The following COPB2 variants were observed in gnomAD, a reference collection of about 807,000 sequenced individuals.
COPB2 encodes coatomer subunit beta'.
COPB2 carries 16 observed loss-of-function variants against 120.8 expected under a neutral mutation model. The ratio of observed to expected loss-of-function variants is 0.13; its 90% confidence interval spans 0.09 to 0.20. The LOEUF (loss-of-function observed/expected upper bound fraction) is 0.20. COPB2 is among the 10% of genes least tolerant of loss of function. COPB2 has a pLI of 1.00. For missense variants in COPB2, 794 were observed against 1,076.5 expected, an observed-to-expected ratio of 0.74 and a Z score of 3.67; for synonymous variants, 332 against 366.3, an observed-to-expected ratio of 0.91 and a Z score of 1.07.
intron 9 of COPB2, among the ~76,000 whole-genome samples, chr3:139,372,200 A>T (rs1432172102): frequency 6.6e-6 from 1 of 152,252 alleles, no homozygotes; most frequent in Admixed American, 6.5e-5. Flanking sequence ...AACTTTGCTC[A>T]TGACATTTAT....
intron 9 of COPB2, 102 bp from the exon 10 acceptor site, chr3:139,371,935 A>T: frequency 1.0e-5 from 8 of 798,876 alleles, no homozygotes; most frequent in Non-Finnish European, 1.4e-5. Flanking sequence ...CTAATAACAA[A>T]TGTTATTTAG....
At chr3:139,358,880 T>TA in intron 19 of COPB2, 68 bp from the exon 20 acceptor site, 1 of 1,565,244 alleles carries the variant, frequency 6.4e-7, no homozygotes, top group East Asian at 2.2e-5. Flanking sequence ...GAACTTGGCC[T>TA]AAATCCCAGA....
chr3:139,389,102 T>G (rs1439628094), intron 1 of COPB2, among the ~76,000 whole-genome samples: 1 of 152,216 alleles, frequency 6.6e-6, no homozygotes, highest in Non-Finnish European at 1.5e-5. Flanking sequence ...TATACATTTG[T>G]TTTTGGCTTC....
In COPB2 at chr3:139,379,445, C is replaced by T. The variant is rs1171601765; in HGVS notation, c.163G>A (p.Val55Ile). Residue 55 changes from valine to isoleucine, a missense_variant, in exon 3 of 22, where the codon GTA becomes ATA. Val to Ile is a conservative substitution (Grantham distance 29, BLOSUM62 3). This residue lies in a region of COPB2 where 610 missense variants were observed against 866.7 expected (regional missense o/e 0.70). Transcript: ENST00000333188. Reference protein sequence around the residue: ...ETQTLVKTFEVCDLPVRAAKF... With the variant: ...ETQTLVKTFEICDLPVRAAKF... ...GCAGCTCGAACAGGAAGATCACATA[C>T]TTCAAATGTCTTCACCAGTGTCTTT... 5.6e-6 allele frequency: 9 copies of T among 1,613,902 alleles called. No individual in the cohort carries two copies. Among genetic ancestry groups the T allele is most frequent in the East Asian group, 2.2e-5 (1 of 44,884 alleles).
chr3:139,374,700 T>C, intron 6 of COPB2, 112 bp from the exon 7 acceptor site: 1 of 675,704 alleles, frequency 1.5e-6, no homozygotes, highest in Non-Finnish European at 2.3e-6. Context: ...CATGAAAATC[T>C]AAATAATATC....
chr3:139,388,228 G>A (rs1941961449), intron 1 of COPB2: 1 of 152,140 alleles, frequency 6.6e-6, no homozygotes, highest in Non-Finnish European at 1.5e-5. Context: ...AGAGGCTTGA[G>A]GTCTTGTTCA....
chr3:139,377,436 A>C (rs7372667), intron 5 of COPB2, among the ~76,000 whole-genome samples: 136,052 of 152,246 alleles, frequency 0.89, 61,569 homozygotes, highest in East Asian at 0.97. Flanking sequence ...GAAGTGCAGG[A>C]AGATGGAACA....
intron 4 of COPB2, among the ~76,000 whole-genome samples, 174 bp from the exon 5 acceptor site, chr3:139,378,363 T>C (rs2107807297): frequency 6.6e-6 from 1 of 152,188 alleles, no homozygotes. Flanking sequence ...AAAATAAATT[T>C]AACTCTCTAC....
rs11439096 is a variant in COPB2 at position 139,360,517 on chromosome 3, CA to C, written c.2210+563del. Among the ~76,000 whole-genome samples, 627 of 88,384 alleles carry C rather than the reference CA, an allele frequency of 7.1e-3. 2 individuals carry two copies. The highest frequency in any genetic ancestry group is 0.015 in the African/African-American group (305 of 19,956). The allele number at this position is 88,384 out of a possible 152,430, so 58.0% of individuals were successfully genotyped here. On this transcript the variant is annotated intron_variant, in intron 17 of 21. Coordinates refer to ENST00000333188, the MANE Select transcript of COPB2 (RefSeq NM_004766.3). ...TGGGCAACAGAGTGAGATTCCATCT[CA>C]AAAAAAAAAAAAAAAAAAGGAAAGA...
intron 2 of COPB2, 110 bp from the exon 3 acceptor site, chr3:139,379,576 T>C (rs1462835056): frequency 1.2e-6 from 1 of 825,370 alleles, no homozygotes; most frequent in Non-Finnish European, 1.9e-6. Flanking sequence ...CATTTTAGTA[T>C]ATTCTCAGGC....
chr3:139,367,289 T>G, intron 13 of COPB2, 144 bp from the exon 14 acceptor site: 4 of 1,021,194 alleles, frequency 3.9e-6, no homozygotes, highest in Non-Finnish European at 4.1e-6. Flanking sequence ...AAATTTTCCT[T>G]GGAATTTTTT....
rs376785706 is a variant in COPB2, at chr3:139,389,614, C to T, written c.-64G>A. Reference sequence around the variant, plus strand: ...CCGGCTACTCAGGCCTTGAGATAAACCCACCGATCCACTGACCGTCAGACT... The same window carrying T: ...CCGGCTACTCAGGCCTTGAGATAAATCCACCGATCCACTGACCGTCAGACT... On this transcript the variant is annotated 5_prime_UTR_variant, in exon 1 of 22. Transcript: ENST00000333188. 2.2e-4 allele frequency: 323 copies of T among 1,488,314 alleles called. 1 individual carries two copies. In the African/African-American group the frequency reaches 4.1e-3, roughly 19 times the overall value. The allele number at this position is 1,488,314 out of a possible 1,614,324, so 92.2% of individuals were successfully genotyped here.
At chr3:139,364,733 A>T (rs1941485050) in intron 15 of COPB2, among the ~76,000 whole-genome samples, 1 of 152,194 alleles carries the variant, frequency 6.6e-6, no homozygotes, top group South Asian at 2.1e-4. Flanking sequence ...TCCCTAATCA[A>T]ATGGGCCAAC....
chr3:139,378,227 A>G (rs762578487), intron 4 of COPB2, 38 bp from the exon 5 acceptor site: 51 of 1,500,264 alleles, frequency 3.4e-5, no homozygotes, highest in Middle Eastern at 1.8e-4. Context: ...TTGTAATTCT[A>G]TTTTTTCACT....
In COPB2 at chr3:139,357,613, A is replaced by T. The variant is rs1941314083; in HGVS notation, c.*250T>A. 1 of 328,544 alleles carries T rather than the reference A, an allele frequency of 3.0e-6. No homozygotes were observed. Among genetic ancestry groups the T allele is most frequent in the Non-Finnish European group, 5.5e-6 (1 of 182,284 alleles). The allele number at this position is 328,544 out of a possible 1,614,324, so 20.4% of individuals were successfully genotyped here. On this transcript the variant is annotated 3_prime_UTR_variant, in exon 22 of 22. Transcript: ENST00000333188. The stretch of plus-strand genomic sequence containing the variant: ...TCATTAATTCAAAAGGTTTTATGAG[A>T]TATGGTCTAATAGTATGAAAAAAAT...
chr3:139,367,060 T>A lies in COPB2; in HGVS notation c.1631A>T (p.Asn544Ile), dbSNP rs1213266400. 1.2e-6 allele frequency: 2 copies of A among 1,613,768 alleles called. No homozygotes were observed. Among genetic ancestry groups the A allele is most frequent in the Admixed American group, 3.3e-5 (2 of 59,968 alleles). The change falls in exon 14 of 22, where the codon AAT becomes ATT. Residue 544 changes from asparagine (N) to isoleucine (I), a missense_variant. Coordinates refer to ENST00000333188, the MANE Select transcript of COPB2 (RefSeq NM_004766.3). ...GACTATTTCTCCTCCAACATAATAA[T>A]TTAATCTGTTCACAGAACTTGTGTA... Reference protein sequence around the residue: ...FIYTSSVNRLNYYVGGEIVTI... With the variant: ...FIYTSSVNRLIYYVGGEIVTI...
Position 139,368,126 on chromosome 3 carries a change from G to A in COPB2, c.1545+19C>T, listed in dbSNP as rs767559166. The A allele has an allele frequency of 6.9e-6, 11 of 1,602,202 alleles. No individual in the cohort carries two copies. The African/African-American group carries it at 1.3e-4, about 20-fold the overall frequency. On this transcript the variant is annotated intron_variant, in intron 13 of 21. Coordinates refer to ENST00000333188, the MANE Select transcript of COPB2 (RefSeq NM_004766.3). Reference sequence around the variant, plus strand: ...TTTAAAAACAAAGCTGAAAGCGAAAGTTGTGCTGATGCAATTACCTCAAAG... The same window carrying A: ...TTTAAAAACAAAGCTGAAAGCGAAAATTGTGCTGATGCAATTACCTCAAAG...
chr3:139,360,498 AC>A (rs1941396223), intron 17 of COPB2, among the ~76,000 whole-genome samples: 1 of 148,748 alleles, frequency 6.7e-6, no homozygotes, highest in Non-Finnish European at 1.5e-5. Flanking sequence ...AGCCTGGGCA[AC>A]AGAGTGAGAT....
chr3:139,370,004 C>T (rs1234186529), intron 10 of COPB2, among the ~76,000 whole-genome samples: 1 of 152,132 alleles, frequency 6.6e-6, no homozygotes, highest in Non-Finnish European at 1.5e-5. Flanking sequence ...CAACTCTAAT[C>T]TATATAGTGA....
Sources: allele counts gnomAD v4.1 joint callset (sites outside exome capture counted in the v4.1 genomes callset), GRCh38; gene constraint gnomAD v4.1.1; regional missense constraint gnomAD v4.1.1; transcripts MANE v1.5; gene names NCBI Gene and HGNC (gene_info 2026-07-23, HGNC 2026-07-21).